ABLIM1: variants seen among roughly 807,000 people sequenced by gnomAD.
The protein encoded by ABLIM1 is actin binding LIM protein 1, also known as actin-binding LIM protein 1.
ABLIM1 carries 40 observed loss-of-function variants against 107.0 expected under a neutral mutation model. The ratio of observed to expected loss-of-function variants is 0.37; its 90% CI spans 0.29 to 0.49. The LOEUF (loss-of-function observed/expected upper bound fraction) is 0.49, where lower values mean the gene tolerates loss of function less well. Ranked by LOEUF, ABLIM1 falls within the 20% of genes least tolerant of loss-of-function variation. The pLI, the probability that ABLIM1 is intolerant of heterozygous loss-of-function variation, is 0.97. For synonymous variants in ABLIM1, 357 were observed against 357.3 expected (o/e 1.00, Z 0.01); for missense variants, 857 against 1,008.5 (o/e 0.85, Z 2.04).
intron 1 of ABLIM1, among the ~76,000 whole-genome samples, chr10:114,614,664 T>C (rs1212717672): frequency 6.6e-6 from 1 of 152,104 alleles, no homozygotes; most frequent in Non-Finnish European, 1.5e-5. Flanking sequence ...GCACCAGAGA[T>C]TTGCCGGAAA....
chr10:114,603,041 A>G (rs1222451939), intron 1 of ABLIM1, among the ~76,000 whole-genome samples: 2 of 152,206 alleles, frequency 1.3e-5, no homozygotes, highest in Non-Finnish European at 2.9e-5. Context: ...ACATGGTGAT[A>G]TATAAAAACA....
In ABLIM1 at chr10:114,572,012, T is replaced by C. The variant is rs557524573; in HGVS notation, c.564-606A>G. Among the ~76,000 whole-genome samples the C allele has an allele frequency of 1.6e-3, 240 of 152,326 alleles. 1 individual carries two copies. The highest frequency in any genetic ancestry group is 5.4e-3 in the African/African-American group (225 of 41,572). ...TTTAAGAATTCATATTAGCTTCTTT[T>C]CAGAAAGACAATTTCTCTTCATAGT... is the stretch of plus-strand genomic sequence containing the variant. On this transcript the variant is annotated intron_variant, in intron 3 of 22. Coordinates refer to ENST00000533213, the MANE Select transcript of ABLIM1 (RefSeq NM_002313.7).
intron 1 of ABLIM1, among the ~76,000 whole-genome samples, chr10:114,656,723 G>A (rs758592550): frequency 4.6e-5 from 7 of 152,138 alleles, no homozygotes; most frequent in Non-Finnish European, 1.0e-4. Flanking sequence ...ATATCTATAC[G>A]GTGAAATAGT....
chr10:114,778,614 T>C, the ABLIM1 span: 3,254 of 116,374 alleles, frequency 0.028, 88 homozygotes, highest in African/African-American at 0.1. Flanking sequence ...CACACACACA[T>C]ACATTTTAAC....
intron 2 of ABLIM1, among the ~76,000 whole-genome samples, chr10:114,584,015 T>C (rs1269432077): frequency 6.6e-6 from 1 of 152,068 alleles, no homozygotes; most frequent in Admixed American, 6.5e-5. Flanking sequence ...TATTGGGTAC[T>C]ATGCTTATTA....
chr10:114,466,410 A>T (rs1432573353), intron 11 of ABLIM1, among the ~76,000 whole-genome samples: 1 of 152,158 alleles, frequency 6.6e-6, no homozygotes, highest in Non-Finnish European at 1.5e-5. Flanking sequence ...CTGACATTGT[A>T]CTTTTCCGTT....
In ABLIM1 at chr10:114,571,292, C is replaced by A; in HGVS notation, c.673+5G>T. 6.2e-7 allele frequency: 1 copy of A among 1,612,960 alleles called. No individual in the cohort carries two copies. Among genetic ancestry groups the A allele is most frequent in the East Asian group, 2.2e-5 (1 of 44,880 alleles). ...TTCACGTCAGTGGGTCACCGGGGCA[C>A]TTACTGCTGGAGAAGGTGGTTTCTT... On this transcript the variant is annotated splice_donor_5th_base_variant and intron_variant, in intron 4 of 22. Coordinates refer to ENST00000533213, the MANE Select transcript of ABLIM1 (RefSeq NM_002313.7).
chr10:114,765,891 T>C lies in ABLIM1; in HGVS notation c.-213+2170A>G, dbSNP rs533076802. 1.0e-3 allele frequency among the ~76,000 whole-genome samples: 154 copies of C among 152,304 alleles called. 1 individual carries two copies. The highest frequency in any genetic ancestry group is 1.1e-3 in the Non-Finnish European group (73 of 68,014). On this transcript the variant is annotated intron_variant, in intron 1 of 15. Transcript: ENST00000651092. ...TCATTACCAAATGCCTACCAAGATGTTTCTAAATGTATTGGAAATTCCAAG... is the reference window on the plus strand; with the variant it reads ...TCATTACCAAATGCCTACCAAGATGCTTCTAAATGTATTGGAAATTCCAAG...
intron 1 of ABLIM1, among the ~76,000 whole-genome samples, chr10:114,671,186 C>A (rs2080239266): frequency 6.6e-6 from 1 of 152,238 alleles, no homozygotes; most frequent in Non-Finnish European, 1.5e-5. Flanking sequence ...ATTCATGTGA[C>A]AGTATGTTCT....
chr10:114,674,696 AT>A (rs1335697692), intron 1 of ABLIM1, among the ~76,000 whole-genome samples: 1 of 151,512 alleles, frequency 6.6e-6, no homozygotes, highest in African/African-American at 2.4e-5. Flanking sequence ...AGCTATCTTA[AT>A]AATTGTTATT....
At chr10:114,524,054 A>G (rs1174067560) in intron 6 of ABLIM1, among the ~76,000 whole-genome samples, 2 of 152,256 alleles carry the variant, frequency 1.3e-5, no homozygotes, top group African/African-American at 2.4e-5. Context: ...TGATAACATT[A>G]TGGGCCAGTC....
intron 1 of ABLIM1, among the ~76,000 whole-genome samples, chr10:114,718,070 A>AAAGG (rs1315295272): frequency 0.044 from 2,394 of 54,096 alleles, 174 homozygotes; most frequent in African/African-American, 0.1. Context: ...AGAAAGGAAG[A>AAAGG]AAGGAAGGAA....
intron 1 of ABLIM1, among the ~76,000 whole-genome samples, chr10:114,648,643 C>A (rs1398659785): frequency 3.9e-5 from 6 of 152,232 alleles, no homozygotes; most frequent in African/African-American, 1.4e-4. Context: ...CTAAAATGCA[C>A]AGGCTCGTAA....
At chr10:114,771,542 G>A (rs1203840413), upstream of ABLIM1, among the ~76,000 whole-genome samples, 1 of 151,902 alleles carries the variant, frequency 6.6e-6, no homozygotes, top group Non-Finnish European at 1.5e-5. Context: ...GACATTTTAG[G>A]GCCACTCACA....
At chr10:114,647,664 G>T (rs910528910) in intron 1 of ABLIM1, among the ~76,000 whole-genome samples, 1 of 152,198 alleles carries the variant, frequency 6.6e-6, no homozygotes, top group African/African-American at 2.4e-5. Flanking sequence ...TATGGCATGA[G>T]AATTCTCCCT....
At chr10:114,512,855 A>G (rs59470636) in intron 6 of ABLIM1, among the ~76,000 whole-genome samples, 13,809 of 48,656 alleles carry the variant, frequency 0.28, 1,293 homozygotes, top group East Asian at 0.54. Flanking sequence ...AAGGAAGGAA[A>G]GAAGGAAGGA....
chr10:114,536,639 G>A (rs182636940), intron 6 of ABLIM1, among the ~76,000 whole-genome samples: 188 of 152,170 alleles, frequency 1.2e-3, no homozygotes, highest in African/African-American at 3.9e-3. Flanking sequence ...ATAATATTCC[G>A]TTTTCTAGAT....
chr10:114,769,460 AAAGAAAG>A (rs2082992082), upstream of ABLIM1, among the ~76,000 whole-genome samples: 1 of 90,464 alleles, frequency 1.1e-5, no homozygotes, highest in East Asian at 2.1e-4. Flanking sequence ...AGAAAGAAAG[AAAGAAAG>A]AAAGAAAGAA....
chr10:114,602,125 C>T (rs2076059084), intron 1 of ABLIM1, among the ~76,000 whole-genome samples, 164 bp from the exon 2 acceptor site: 1 of 152,146 alleles, frequency 6.6e-6, no homozygotes, highest in Non-Finnish European at 1.5e-5. Context: ...CACAAAGACC[C>T]ATAAGACAGT....
Sources: allele counts gnomAD v4.1 joint callset (sites outside exome capture counted in the v4.1 genomes callset), GRCh38; gene constraint gnomAD v4.1.1; transcripts MANE v1.5; gene names NCBI Gene and HGNC (gene_info 2026-07-23, HGNC 2026-07-21).